The following ABCC4 variants were observed in gnomAD, a reference collection of about 807,000 sequenced individuals.
The protein encoded by ABCC4 is ATP binding cassette subfamily C member 4 (PEL blood group), also known as ATP-binding cassette sub-family C member 4.
ABCC4 carries 102 observed loss-of-function variants against 168.5 expected under a neutral mutation model. The ratio of observed to expected loss-of-function variants is 0.61; its 90% confidence interval spans 0.52 to 0.71. The LOEUF is 0.71. ABCC4 is among the 30% of genes least tolerant of loss of function. ABCC4 has a pLI of 0.00. For synonymous variants in ABCC4, 617 were observed against 590.7 expected, an observed-to-expected ratio of 1.04 and a Z score of -0.65; for missense variants, 1,402 against 1,605.8, an observed-to-expected ratio of 0.87 and a Z score of 2.17.
intron 20 of ABCC4, among the ~76,000 whole-genome samples, chr13:95,100,372 T>A (rs2034754093): frequency 6.6e-6 from 1 of 152,228 alleles, no homozygotes; most frequent in Non-Finnish European, 1.5e-5. Flanking sequence ...CTGGGAAGCC[T>A]GGGAGGGTCC....
chr13:95,095,540 G>A (rs531245286), intron 20 of ABCC4, among the ~76,000 whole-genome samples: 1 of 152,232 alleles, frequency 6.6e-6, no homozygotes, highest in East Asian at 1.9e-4. Context: ...GGTTTAGGGG[G>A]AAGAGTGGGA....
At chr13:95,225,503 C>T (rs937318943) in intron 4 of ABCC4, among the ~76,000 whole-genome samples, 12 of 152,146 alleles carry the variant, frequency 7.9e-5, no homozygotes, top group Non-Finnish European at 1.8e-4. Flanking sequence ...AATCCCGTCT[C>T]TACTAAAAAT....
intron 20 of ABCC4, among the ~76,000 whole-genome samples, chr13:95,094,309 A>G (rs1364263555): frequency 2.6e-5 from 4 of 152,222 alleles, no homozygotes; most frequent in African/African-American, 9.6e-5. Flanking sequence ...CCAAAACAGC[A>G]TGGTACTGGT....
At chr13:95,245,411 G>C (rs554991810) in intron 3 of ABCC4, among the ~76,000 whole-genome samples, 1 of 152,296 alleles carries the variant, frequency 6.6e-6, no homozygotes, top group Non-Finnish European at 1.5e-5. Context: ...AGCCAAACTG[G>C]GCCAGGAAAT....
intron 4 of ABCC4, among the ~76,000 whole-genome samples, chr13:95,218,984 AGAGT>A (rs1295080567): frequency 1.5e-4 from 6 of 38,880 alleles, no homozygotes; most frequent in African/African-American, 3.7e-4. Context: ...AAAGAAAGAA[AGAGT>A]GAGAAAGAAA....
chr13:95,122,624 G>T (rs1416260467), intron 19 of ABCC4, among the ~76,000 whole-genome samples: 1 of 152,010 alleles, frequency 6.6e-6, no homozygotes, highest in African/African-American at 2.4e-5. Context: ...TCCCATCAGG[G>T]GGCCTTCCCT....
chr13:95,269,212 T>C (rs926809007), intron 1 of ABCC4: 8 of 446,246 alleles, frequency 1.8e-5, no homozygotes, highest in Non-Finnish European at 3.6e-5. Context: ...TTGTAGCTGG[T>C]TGACTAGAAG....
intron 1 of ABCC4, among the ~76,000 whole-genome samples, chr13:95,259,966 C>T (rs1188341149): frequency 1.3e-5 from 2 of 152,030 alleles, no homozygotes; most frequent in Non-Finnish European, 2.9e-5. Context: ...ATCTTCTGTA[C>T]AGCAGAGTTT....
intron 19 of ABCC4, among the ~76,000 whole-genome samples, chr13:95,137,539 A>G (rs886417758): frequency 3.3e-5 from 5 of 152,224 alleles, no homozygotes; most frequent in African/African-American, 1.2e-4. Flanking sequence ...GTTAACTCCC[A>G]TATTTTAAAG....
intron 6 of ABCC4, 133 bp from the exon 7 acceptor site, chr13:95,208,058 A>G (rs999238329): frequency 4.5e-6 from 4 of 890,672 alleles, no homozygotes; most frequent in Non-Finnish European, 5.1e-6. Flanking sequence ...GACAGGTCCT[A>G]CTCAAAATAC....
chr13:95,058,195 G>T (rs373536541), intron 26 of ABCC4, among the ~76,000 whole-genome samples: 1 of 152,108 alleles, frequency 6.6e-6, no homozygotes, highest in African/African-American at 2.4e-5. Flanking sequence ...CTTTCAAAAT[G>T]ACCTAACTGT....
intron 8 of ABCC4, among the ~76,000 whole-genome samples, chr13:95,199,843 TG>T (rs1332296124): frequency 3.3e-5 from 5 of 152,128 alleles, no homozygotes; most frequent in African/African-American, 1.2e-4. Flanking sequence ...CCCAGGGAAA[TG>T]CAGGGCATCA....
intron 19 of ABCC4, among the ~76,000 whole-genome samples, chr13:95,117,779 TAA>T (rs536835855): frequency 5.8e-5 from 8 of 137,556 alleles, no homozygotes; most frequent in Admixed American, 1.5e-4. Context: ...ATATTCAAAT[TAA>T]AAAAAAAAAA....
intron 26 of ABCC4, among the ~76,000 whole-genome samples, chr13:95,055,292 G>A (rs1181078833): frequency 6.6e-6 from 1 of 152,164 alleles, no homozygotes; most frequent in Non-Finnish European, 1.5e-5. Flanking sequence ...ACCTCTGCAG[G>A]CAGAACATTT....
chr13:95,095,286 T>TTATCCATC (rs2034554647), intron 20 of ABCC4, among the ~76,000 whole-genome samples: 3 of 146,304 alleles, frequency 2.1e-5, no homozygotes, highest in African/African-American at 7.6e-5. Flanking sequence ...AACTGTGAGA[T>TTATCCATC]TATCTATCTA....
chr13:95,270,833 C>T (rs1299253491), intron 1 of ABCC4, among the ~76,000 whole-genome samples: 3 of 152,188 alleles, frequency 2.0e-5, no homozygotes, highest in Admixed American at 6.5e-5. Flanking sequence ...CGGTGGCTCA[C>T]GCCTGTAATC....
At chr13:95,211,915 C>T in intron 4 of ABCC4, among the ~76,000 whole-genome samples, 1 of 152,158 alleles carries the variant, frequency 6.6e-6, no homozygotes, top group African/African-American at 2.4e-5. Flanking sequence ...CGCGGTGGCT[C>T]ACACCTGTAA....
intron 1 of ABCC4, among the ~76,000 whole-genome samples, chr13:95,290,447 G>A (rs1012213381): frequency 2.0e-5 from 3 of 152,040 alleles, no homozygotes; most frequent in Non-Finnish European, 2.9e-5. Flanking sequence ...TCTCACGCCT[G>A]TAATCCCAGC....
At chr13:95,299,458 G>A (rs1235925319) in intron 1 of ABCC4, among the ~76,000 whole-genome samples, 1 of 152,032 alleles carries the variant, frequency 6.6e-6, no homozygotes, top group Non-Finnish European at 1.5e-5. Flanking sequence ...CGAAACAAGA[G>A]TAAGCGACTC....
Sources: gnomAD v4.1 joint callset for allele counts (sites outside exome capture counted in the v4.1 genomes callset) on GRCh38, gnomAD v4.1.1 for gene constraint, MANE v1.5 for transcripts, NCBI Gene and HGNC (gene_info 2026-07-23, HGNC 2026-07-21) for gene names.